GEMIN2: variants seen among roughly 807,000 people sequenced by gnomAD.
GEMIN2 encodes gem-associated protein 2.
Under a neutral mutation model 45.8 loss-of-function variants are expected in GEMIN2, and 37 were observed. The ratio of observed to expected loss-of-function variants is 0.81; its 90% CI spans 0.62 to 1.06. The LOEUF (loss-of-function observed/expected upper bound fraction) is 1.06. Among genes scored for constraint, GEMIN2 ranks in the 50% least tolerant of loss-of-function variants. The pLI, the probability that GEMIN2 is intolerant of heterozygous loss-of-function variation, is 0.00. For missense variants in GEMIN2, 335 were observed against 321.8 expected (o/e 1.04, Z -0.31); for synonymous variants, 101 against 111.5 (o/e 0.91, Z 0.60).
At chr14:39,125,074 T>C in intron 6 of GEMIN2, 38 bp downstream of exon 6, 1 of 962,018 alleles carries the variant, frequency 1.0e-6, no homozygotes, top group Non-Finnish European at 1.7e-6. Context: ...TTCTTTTGTT[T>C]GCATTGTGTG....
intron 7 of GEMIN2, among the ~76,000 whole-genome samples, chr14:39,129,934 G>GTT (rs34165330): frequency 0.081 from 4,957 of 61,516 alleles, 507 homozygotes; most frequent in East Asian, 0.21. Flanking sequence ...AGACAAGTTT[G>GTT]TTTTTTTTTT....
At position 39,127,796 on chromosome 14, in the gene GEMIN2, G is replaced by A. The variant is rs565898595; in HGVS notation, c.532-484G>A. Among the ~76,000 whole-genome samples the A allele has an allele frequency of 6.6e-5, 10 of 152,200 alleles. 1 individual carries two copies. The highest frequency in any genetic ancestry group is 6.2e-4 in the South Asian group (3 of 4,828). ...TTTAAAAGCCTCACTGGGGCTAGGC[G>A]CGGTGCCTCACACCTGTGATCGCAG... On this transcript the variant is annotated intron_variant, in intron 6 of 9. Coordinates refer to ENST00000308317, the MANE Select transcript of GEMIN2 (RefSeq NM_003616.3).
chr14:39,128,022 C>T (rs888307236), intron 6 of GEMIN2, among the ~76,000 whole-genome samples: 3 of 143,376 alleles, frequency 2.1e-5, no homozygotes, highest in South Asian at 2.2e-4. Context: ...GAGCCAAGAT[C>T]GCACCAGTGC....
Position 39,132,067 on chromosome 14 carries a change from T to A in GEMIN2, c.710T>A (p.Val237Glu), listed in dbSNP as rs761395597. The A allele has an allele frequency of 2.8e-6, 4 of 1,423,924 alleles. No homozygotes were observed. In the South Asian group the frequency reaches 3.5e-5, roughly 12 times the overall value. 88.2% of individuals were successfully genotyped at this position (1,423,924 alleles called of 1,614,324 possible). A position where few individuals can be genotyped will look rare whatever the true frequency, so the allele number is the denominator to read the frequency against. The change falls in exon 8 of 10, where the codon GTG (valine) becomes GAG (glutamate). Residue 237 changes from valine (V) to glutamate (E), a missense_variant and splice_region_variant. Coordinates refer to ENST00000308317, the MANE Select transcript of GEMIN2 (RefSeq NM_003616.3). ...AGGTGCTCTGAAGTGAGGCTCTTAG[T>A]GGTAAGTTGCAACTTACTGTTTAAA... is the stretch of plus-strand genomic sequence containing the variant. ...ARRCSEVRLL[V>E]DSKDDERVPA... is the part of the protein sequence containing the mutation.
intron 4 of GEMIN2, 146 bp from the exon 5 acceptor site, chr14:39,122,284 T>C (rs1355019440): frequency 1.7e-6 from 1 of 597,300 alleles, no homozygotes; most frequent in Non-Finnish European, 3.0e-6. Flanking sequence ...ACATACAAAT[T>C]TGGGGGCAGA....
intron 9 of GEMIN2, among the ~76,000 whole-genome samples, chr14:39,134,822 C>T (rs35502984): frequency 0.29 from 44,419 of 151,990 alleles, 7,646 homozygotes; most frequent in Non-Finnish European, 0.38. Context: ...ACTTTGACTC[C>T]GGAGCTAAAC....
chr14:39,118,639 C>G (rs1405933631), intron 4 of GEMIN2, 40 bp downstream of exon 4: 1 of 875,828 alleles, frequency 1.1e-6, no homozygotes, highest in Non-Finnish European at 1.9e-6. Flanking sequence ...CAATGTATAC[C>G]TGATTGAAAG....
rs1276723423 is a variant in GEMIN2, at chr14:39,136,729, T to C, written c.*250T>C. The C allele has an allele frequency of 4.3e-5, 16 of 376,406 alleles. No homozygotes were observed. The highest frequency in any genetic ancestry group is 7.4e-5 in the South Asian group (1 of 13,570). 23.3% of individuals were successfully genotyped at this position (376,406 alleles called of 1,614,324 possible). A position where few individuals can be genotyped will look rare whatever the true frequency, so the allele number is the denominator to read the frequency against. On this transcript the variant is annotated 3_prime_UTR_variant, in exon 10 of 10. Transcript: ENST00000308317. ...GTTTTCTGTAATCAAGCAGCTTGCA[T>C]AGAAATTGTATGATGAAATTTTACA...
At chr14:39,116,625 T>TGTAA (rs1566529213) in intron 2 of GEMIN2, among the ~76,000 whole-genome samples, 1 of 152,088 alleles carries the variant, frequency 6.6e-6, no homozygotes, top group African/African-American at 2.4e-5. Context: ...AAGTAGTTTC[T>TGTAA]CTGATACTTG....
chr14:39,116,364 T>C (rs1468136197), intron 2 of GEMIN2, among the ~76,000 whole-genome samples: 2 of 152,022 alleles, frequency 1.3e-5, no homozygotes, highest in Non-Finnish European at 2.9e-5. Context: ...GAGGTGCTAT[T>C]TAACCTAAGC....
intron 6 of GEMIN2, among the ~76,000 whole-genome samples, chr14:39,126,431 C>T (rs1454833954): frequency 6.6e-6 from 1 of 152,152 alleles, no homozygotes; most frequent in Non-Finnish European, 1.5e-5. Flanking sequence ...CCTCCCACCT[C>T]AGCCTCCCAA....
chr14:39,122,334 T>A, intron 4 of GEMIN2, 96 bp from the exon 5 acceptor site: 1 of 645,016 alleles, frequency 1.6e-6, no homozygotes, highest in Non-Finnish European at 2.7e-6. Context: ...TGGGTTGCGG[T>A]AATGGGAATA....
chr14:39,116,343 G>A (rs902911279), intron 2 of GEMIN2, among the ~76,000 whole-genome samples: 1 of 151,956 alleles, frequency 6.6e-6, no homozygotes, highest in African/African-American at 2.4e-5. Flanking sequence ...GCCAGCAAAG[G>A]TCTCTCTAAG....
chr14:39,114,411 T>G lies in GEMIN2; in HGVS notation c.73T>G (p.Leu25Val), dbSNP rs767145682. ...GCTATTGCCGGTAGAGCCTTGCGAC[T>G]TGACGGAAGGTTTCGATCCCTCGGT... ...PRLLPVEPCD[L>V]TEGFDPSVPP... The change falls in exon 1 of 10, where the codon TTG becomes GTG. Residue 25 changes from leucine to valine, a missense_variant. Transcript: ENST00000308317. 2 of 1,614,028 alleles carry G rather than the reference T, an allele frequency of 1.2e-6. No homozygotes were observed. The highest frequency in any genetic ancestry group is 1.3e-5 in the African/African-American group (1 of 75,070).
intron 7 of GEMIN2, among the ~76,000 whole-genome samples, chr14:39,130,072 C>G (rs760179015): frequency 2.0e-5 from 3 of 150,552 alleles, no homozygotes; most frequent in Non-Finnish European, 4.4e-5. Context: ...TCCTGAGTAG[C>G]TGGGACAAGT....
chr14:39,118,669 T>G, intron 4 of GEMIN2, 70 bp downstream of exon 4: 1 of 696,448 alleles, frequency 1.4e-6, no homozygotes, highest in East Asian at 2.5e-5. Flanking sequence ...TTACTTCCAG[T>G]CGTTAAAGAT....
At chr14:39,135,131 G>A (rs4902418) in intron 9 of GEMIN2, among the ~76,000 whole-genome samples, 30,195 of 151,576 alleles carry the variant, frequency 0.2, 3,815 homozygotes, top group Middle Eastern at 0.36. Flanking sequence ...GTTTCTGACT[G>A]CCTCAGTTGA....
intron 9 of GEMIN2, 72 bp downstream of exon 9, chr14:39,133,791 TGG>T: frequency 1.1e-6 from 1 of 909,002 alleles, no homozygotes. Flanking sequence ...TTATTACATT[TGG>T]TTTTTGTTTG....
intron 2 of GEMIN2, among the ~76,000 whole-genome samples, chr14:39,115,638 G>A (rs532982835): frequency 3.0e-4 from 46 of 151,812 alleles, no homozygotes; most frequent in Middle Eastern, 6.8e-3. Context: ...TGTATTTTTA[G>A]TAGAGACGGG....
Sources: gnomAD v4.1 joint callset for allele counts (sites outside exome capture counted in the v4.1 genomes callset) on GRCh38, gnomAD v4.1.1 for gene constraint, MANE v1.5 for transcripts, NCBI Gene and HGNC (gene_info 2026-07-23, HGNC 2026-07-21) for gene names.